Variants in LPA observed in about 807,000 individuals in gnomAD.
The protein encoded by LPA is apolipoprotein(a).
A neutral mutation model predicts 197.9 loss-of-function variants in LPA; 199 were observed. The observed-to-expected ratio is 1.01, with a 90% CI of 0.90 to 1.13. The LOEUF is 1.13. Ranked by LOEUF, LPA falls within the 50% of genes most tolerant of loss-of-function variation. The probability of loss-of-function intolerance (pLI) is 0.00; values close to 1 mark genes in which losing one functional copy is unlikely to be tolerated. For synonymous variants in LPA, 715 were observed against 639.5 expected (o/e 1.12, Z -1.78); for missense variants, 1,853 against 1,785.8 (o/e 1.04, Z -0.68).
intron 16 of LPA, among the ~76,000 whole-genome samples, chr6:160,611,290 G>A (rs568776640): frequency 6.6e-6 from 1 of 152,052 alleles, no homozygotes; most frequent in Non-Finnish European, 1.5e-5. Context: ...TAATCTAAGT[G>A]TTTGGTGGTT....
At chr6:160,555,167 C>A (rs9457937) in intron 30 of LPA, among the ~76,000 whole-genome samples, 25,618 of 150,488 alleles carry the variant, frequency 0.17, 2,335 homozygotes, top group Admixed American at 0.19. Context: ...CTCTTCCTCT[C>A]CTGGCAACCC....
intron 30 of LPA, among the ~76,000 whole-genome samples, chr6:160,553,486 T>C (rs1376273747): frequency 6.6e-6 from 1 of 152,210 alleles, no homozygotes; most frequent in Non-Finnish European, 1.5e-5. Flanking sequence ...TGGCTGGACA[T>C]GTCGTCCTAG....
chr6:160,558,644 A>T (rs1298613518), intron 28 of LPA, among the ~76,000 whole-genome samples: 1 of 152,180 alleles, frequency 6.6e-6, no homozygotes, highest in Non-Finnish European at 1.5e-5. Flanking sequence ...ATGAAAGAAC[A>T]GTGGGACCCA....
intron 18 of LPA, among the ~76,000 whole-genome samples, chr6:160,603,046 G>T (rs1156639129): frequency 2.6e-5 from 3 of 114,642 alleles, no homozygotes; most frequent in African/African-American, 9.8e-5. Flanking sequence ...TCAGCTTCTT[G>T]AATCTGTGGT....
At chr6:160,539,142 G>A (rs1777938217) in intron 36 of LPA, among the ~76,000 whole-genome samples, 1 of 152,076 alleles carries the variant, frequency 6.6e-6, no homozygotes, top group African/African-American at 2.4e-5. Flanking sequence ...GCTCCTGCCT[G>A]CCCCATGCCT....
chr6:160,593,875 A>G, intron 22 of LPA, 83 bp downstream of exon 22: 1 of 1,535,112 alleles, frequency 6.5e-7, no homozygotes, highest in Non-Finnish European at 9.0e-7. Context: ...AATTTGTCAT[A>G]AGAAGTTAGT....
At chr6:160,601,222 T>A in intron 18 of LPA, 124 bp from the exon 19 acceptor site, 1 of 797,074 alleles carries the variant, frequency 1.3e-6, no homozygotes, top group Non-Finnish European at 2.2e-6. Context: ...TACCATACAA[T>A]TGCCACAATG....
intron 14 of LPA, among the ~76,000 whole-genome samples, chr6:160,615,425 A>G (rs1235406880): frequency 9.2e-6 from 1 of 108,488 alleles, no homozygotes; most frequent in Non-Finnish European, 1.8e-5. Context: ...GTGTTGGGTA[A>G]TGTTTTCCTC....
intron 28 of LPA, among the ~76,000 whole-genome samples, chr6:160,558,141 A>C (rs190587019): frequency 3.3e-5 from 5 of 151,904 alleles, no homozygotes; most frequent in East Asian, 1.9e-4. Context: ...GGATGGTCTC[A>C]ATCTCCTGAC....
At chr6:160,540,302 G>A in intron 35 of LPA, 119 bp from the exon 36 acceptor site, 15 of 1,110,876 alleles carry the variant, frequency 1.4e-5, no homozygotes, top group Non-Finnish European at 1.9e-5. Context: ...AGTGACTTAT[G>A]AGTGGCAAGA....
chr6:160,660,299 A>G (rs1740428), intron 1 of LPA, among the ~76,000 whole-genome samples: 89,312 of 151,892 alleles, frequency 0.59, 26,712 homozygotes, highest in Middle Eastern at 0.69. Flanking sequence ...GGGCATCTTA[A>G]GGGGCATTCT....
intron 18 of LPA, among the ~76,000 whole-genome samples, chr6:160,602,090 A>T (rs892106703): frequency 1.3e-5 from 2 of 152,286 alleles, no homozygotes; most frequent in African/African-American, 2.4e-5. Context: ...ATTATGGGCC[A>T]TGGGGATCCA....
intron 1 of LPA, among the ~76,000 whole-genome samples, chr6:160,662,458 T>C (rs1335703733): frequency 1.3e-5 from 2 of 152,328 alleles, no homozygotes; most frequent in East Asian, 3.9e-4. Flanking sequence ...ATTGGAAAGA[T>C]AACACGTCCA....
intron 18 of LPA, 81 bp from the exon 19 acceptor site, chr6:160,601,179 T>C: frequency 8.1e-7 from 1 of 1,232,098 alleles, no homozygotes. Context: ...AACAAGGTCA[T>C]TACTGGTGCC....
chr6:160,565,294 C>T (rs1778432270), intron 28 of LPA, among the ~76,000 whole-genome samples: 1 of 152,170 alleles, frequency 6.6e-6, no homozygotes, highest in Admixed American at 6.5e-5. Context: ...ACTGACACCT[C>T]ATACAGCTGG....
At chr6:160,610,474 A>C (rs1417513840) in intron 16 of LPA, among the ~76,000 whole-genome samples, 4 of 152,170 alleles carry the variant, frequency 2.6e-5, no homozygotes, top group Admixed American at 6.5e-5. Context: ...CCAATAACAC[A>C]GAGTGCTATG....
At chr6:160,598,008 G>T (rs1324656380) in intron 20 of LPA, among the ~76,000 whole-genome samples, 1 of 152,070 alleles carries the variant, frequency 6.6e-6, no homozygotes, top group Admixed American at 6.6e-5. Context: ...GTTTTTTCTG[G>T]AGCTGCCTTT....
intron 2 of LPA, among the ~76,000 whole-genome samples, chr6:160,649,396 A>G (rs1779964256): frequency 6.6e-6 from 1 of 152,206 alleles, no homozygotes; most frequent in Non-Finnish European, 1.5e-5. Context: ...CAATGACTCG[A>G]GGAGATTTCT....
Position 160,545,471 on chromosome 6 carries a change from T to G in LPA, c.5367A>C (p.Lys1789Asn). 6.2e-7 allele frequency: 1 copy of G among 1,611,794 alleles called. No individual in the cohort carries two copies. The highest frequency in any genetic ancestry group is 8.5e-7 in the Non-Finnish European group (1 of 1,178,984). The change falls in exon 33 of 39, where the codon AAA (lysine) becomes AAC (asparagine). Residue 1789 changes from lysine (K) to asparagine (N), a missense_variant. Lys to Asn is a moderately conservative substitution (Grantham distance 94, BLOSUM62 0). Coordinates refer to ENST00000316300, the MANE Select transcript of LPA (RefSeq NM_005577.4). ...GAGGGATATCACAGTAGTCAAAAAG[T>G]TTTCTTGGATTCATTGTGTAGCACC... ...GPWCYTMNPR[K>N]LFDYCDIPLC...
Sources: gnomAD v4.1 joint callset for allele counts (sites outside exome capture counted in the v4.1 genomes callset) on GRCh38, gnomAD v4.1.1 for gene constraint, MANE v1.5 for transcripts, NCBI Gene and HGNC (gene_info 2026-07-23, HGNC 2026-07-21) for gene names.